KAZN: variants seen among roughly 807,000 people sequenced by gnomAD.
The protein encoded by KAZN is kazrin, periplakin interacting protein.
Under a neutral mutation model 87.4 loss-of-function variants are expected in KAZN, and 40 were observed. The ratio of observed to expected loss-of-function variants is 0.46; its 90% confidence interval spans 0.36 to 0.60. The LOEUF is 0.60. Ranked by LOEUF, KAZN falls within the 20% of genes least tolerant of loss-of-function variation. The pLI, the probability that KAZN is intolerant of heterozygous loss-of-function variation, is 0.00. For missense variants in KAZN, 898 were observed against 1,073.9 expected, an observed-to-expected ratio of 0.84 and a Z score of 2.29; for synonymous variants, 466 against 458.3, an observed-to-expected ratio of 1.02 and a Z score of -0.22.
intron 1 of KAZN, among the ~76,000 whole-genome samples, chr1:14,072,990 G>T (rs770623476): frequency 2.0e-5 from 3 of 152,078 alleles, no homozygotes; most frequent in Non-Finnish European, 4.4e-5. Flanking sequence ...TTAGATCAGG[G>T]CTGGTTCTGA....
chr1:14,585,664 C>T (rs1376077325), intron 2 of KAZN, among the ~76,000 whole-genome samples: 1 of 151,998 alleles, frequency 6.6e-6, no homozygotes, highest in Non-Finnish European at 1.5e-5. Context: ...CTTCAAGTAA[C>T]GAGGCAAAAG....
chr1:14,817,882 A>G (rs1646619985), intron 1 of KAZN, among the ~76,000 whole-genome samples: 1 of 152,224 alleles, frequency 6.6e-6, no homozygotes, highest in African/African-American at 2.4e-5. Context: ...AGGGAAGATA[A>G]TAGGGTTTAG....
intron 1 of KAZN, among the ~76,000 whole-genome samples, chr1:14,940,470 G>A (rs1275032762): frequency 6.6e-6 from 1 of 152,174 alleles, no homozygotes; most frequent in African/African-American, 2.4e-5. Context: ...AGCCACCATG[G>A]CACGGGGGCC....
chr1:14,804,277 C>T (rs1009158899), intron 1 of KAZN, among the ~76,000 whole-genome samples: 1 of 152,238 alleles, frequency 6.6e-6, no homozygotes, highest in Admixed American at 6.5e-5. Flanking sequence ...TCTGGCAGAG[C>T]TCCCCAGTCC....
rs1426526845 is a variant in KAZN, at chr1:13,899,170, C to T, written c.91+5414C>T. On this transcript the variant is annotated intron_variant, in intron 1 of 16. Transcript: ENST00000636203. Reference sequence around the variant, plus strand: ...CATTCCAGAAAAAGATTCGCCATGGCGAACTGCTGGCAATTGGGCACAACC... The same window carrying T: ...CATTCCAGAAAAAGATTCGCCATGGTGAACTGCTGGCAATTGGGCACAACC... 7.9e-5 allele frequency among the ~76,000 whole-genome samples: 12 copies of T among 152,328 alleles called. 1 individual carries two copies. In the South Asian group the frequency reaches 2.1e-3, roughly 26 times the overall value.
chr1:14,105,280 C>T (rs72862554), intron 1 of KAZN, among the ~76,000 whole-genome samples: 1 of 152,110 alleles, frequency 6.6e-6, no homozygotes, highest in African/African-American at 2.4e-5. Context: ...AGAACCAACC[C>T]GATCTGGGAG....
chr1:14,532,022 C>T (rs1170601137), intron 2 of KAZN, among the ~76,000 whole-genome samples: 2 of 152,100 alleles, frequency 1.3e-5, no homozygotes, highest in Non-Finnish European at 2.9e-5. Flanking sequence ...GTTTCACGTG[C>T]TCTTTTTTCA....
chr1:14,931,421 C>T (rs1659810511), intron 1 of KAZN, among the ~76,000 whole-genome samples: 1 of 152,050 alleles, frequency 6.6e-6, no homozygotes, highest in African/African-American at 2.4e-5. Flanking sequence ...TGCACTCCAT[C>T]CTGGGCAACA....
intron 1 of KAZN, among the ~76,000 whole-genome samples, chr1:14,658,924 G>A (rs1044594256): frequency 2.0e-5 from 3 of 152,230 alleles, no homozygotes; most frequent in Non-Finnish European, 2.9e-5. Flanking sequence ...CTGCTTTCAC[G>A]TTATTTATGT....
intron 2 of KAZN, among the ~76,000 whole-genome samples, chr1:14,966,434 G>T (rs1029861179): frequency 2.0e-5 from 3 of 152,182 alleles, no homozygotes; most frequent in Admixed American, 2.0e-4. Context: ...TCTGTCTAGT[G>T]TGATTGTTGT....
At chr1:14,226,268 AAAG>A (rs1293853583) in intron 2 of KAZN, among the ~76,000 whole-genome samples, 1 of 152,212 alleles carries the variant, frequency 6.6e-6, no homozygotes, top group Non-Finnish European at 1.5e-5. Flanking sequence ...ACACTTCTCA[AAAG>A]AAGACATACA....
intron 1 of KAZN, among the ~76,000 whole-genome samples, chr1:14,600,666 C>CA (rs59840012): frequency 0.037 from 4,381 of 117,590 alleles, 126 homozygotes; most frequent in African/African-American, 0.074. Flanking sequence ...GGAACCTGTG[C>CA]AAAAAAAAAA....
intron 1 of KAZN, among the ~76,000 whole-genome samples, chr1:14,668,525 T>C (rs1304514130): frequency 6.6e-6 from 1 of 152,100 alleles, no homozygotes; most frequent in Non-Finnish European, 1.5e-5. Flanking sequence ...ATTTTGCCCC[T>C]CTCCCAGAGC....
chr1:14,673,031 A>G (rs1482313522), intron 1 of KAZN, among the ~76,000 whole-genome samples: 3 of 152,352 alleles, frequency 2.0e-5, no homozygotes, highest in African/African-American at 2.4e-5. Flanking sequence ...GGCTTATAAC[A>G]TTGGGGAACT....
chr1:14,481,424 G>GGA (rs1669076042), intron 2 of KAZN, among the ~76,000 whole-genome samples: 5 of 151,494 alleles, frequency 3.3e-5, no homozygotes, highest in Admixed American at 2.6e-4. Context: ...CAATTTTCTA[G>GGA]AAAAAAAACT....
chr1:14,468,038 G>A (rs1219627926), intron 2 of KAZN, among the ~76,000 whole-genome samples: 1 of 152,136 alleles, frequency 6.6e-6, no homozygotes, highest in East Asian at 1.9e-4. Flanking sequence ...GAAATGAGGT[G>A]TGTTCCTACA....
rs567744111 is a variant in KAZN, at chr1:14,272,302, C to T, written c.249+91710C>T. Among the ~76,000 whole-genome samples the T allele has an allele frequency of 6.6e-5, 10 of 152,194 alleles. No individual in the cohort carries two copies. The South Asian group carries it at 1.9e-3, about 28-fold the overall frequency. On this transcript the variant is annotated intron_variant, in intron 2 of 16. Transcript: ENST00000636203. ...TAGCCAGGATATATTCTCCTCCTGG[C>T]GATGGCAGAAGTTCAAGAAATGCAA...
chr1:14,078,048 T>G (rs1557456875), intron 1 of KAZN, among the ~76,000 whole-genome samples: 1 of 152,210 alleles, frequency 6.6e-6, no homozygotes, highest in Non-Finnish European at 1.5e-5. Context: ...GCCACTTTGT[T>G]GTGGTGATCT....
At chr1:14,555,811 A>G (rs112003169) in intron 2 of KAZN, among the ~76,000 whole-genome samples, 35 of 152,336 alleles carry the variant, frequency 2.3e-4, no homozygotes, top group African/African-American at 7.9e-4. Context: ...TTGCTGACTG[A>G]CTAGTCAACT....
Sources: allele counts gnomAD v4.1 joint callset (sites outside exome capture counted in the v4.1 genomes callset), GRCh38; gene constraint gnomAD v4.1.1; transcripts MANE v1.5; gene names NCBI Gene and HGNC (gene_info 2026-07-23, HGNC 2026-07-21).